The following LUZP2 variants were observed in gnomAD, a reference collection of about 807,000 sequenced individuals.
LUZP2 encodes leucine zipper protein 2.
LUZP2 carries 52 observed loss-of-function variants against 51.6 expected under a neutral mutation model. The observed-to-expected ratio is 1.01, with a 90% confidence interval of 0.81 to 1.27. The LOEUF (loss-of-function observed/expected upper bound fraction) is 1.27, where lower values mean the gene tolerates loss of function less well. Among genes scored for constraint, LUZP2 ranks in the 50% most tolerant of loss-of-function variants. The pLI, the probability that LUZP2 is intolerant of heterozygous loss-of-function variation, is 0.00. For missense variants in LUZP2, 436 were observed against 395.4 expected (o/e 1.10, Z -0.87); for synonymous variants, 154 against 137.3 (o/e 1.12, Z -0.85).
intron 4 of LUZP2, among the ~76,000 whole-genome samples, chr11:24,741,952 TATA>T (rs879354664): frequency 0.11 from 14,411 of 132,244 alleles, 1,138 homozygotes; most frequent in Non-Finnish European, 0.16. Context: ...TATACATTTA[TATA>T]TTATATATAA....
At chr11:25,050,291 CTTTTTTTTTTTTTTT>C (rs71044331) in intron 10 of LUZP2, among the ~76,000 whole-genome samples, 161 bp downstream of exon 10, 3,214 of 77,250 alleles carry the variant, frequency 0.042, 114 homozygotes, top group South Asian at 0.17. Flanking sequence ...TCTTTATGTT[CTTTTTTTTTTTTTTT>C]TTTTTTTTTT....
intron 1 of LUZP2, among the ~76,000 whole-genome samples, chr11:24,534,484 AATATATAGAAAGC>A (rs1322371294): frequency 6.8e-5 from 10 of 147,554 alleles, no homozygotes; most frequent in East Asian, 2.0e-4. Flanking sequence ...TAGGTATGTA[AATATATAGAAAGC>A]ATATATAGAA....
intron 5 of LUZP2, chr11:24,892,154 A>C: frequency 1.0e-6 from 1 of 985,590 alleles, no homozygotes; most frequent in Non-Finnish European, 1.2e-6. Context: ...GTTATTTCTT[A>C]AGAATCTCTG....
intron 1 of LUZP2, among the ~76,000 whole-genome samples, chr11:24,601,172 A>G (rs1473955133): frequency 6.6e-6 from 1 of 152,094 alleles, no homozygotes; most frequent in Non-Finnish European, 1.5e-5. Context: ...TACAAATATC[A>G]AAGACATGGA....
chr11:24,823,827 G>A (rs1056311023), intron 5 of LUZP2, among the ~76,000 whole-genome samples: 21 of 152,152 alleles, frequency 1.4e-4, no homozygotes, highest in African/African-American at 5.1e-4. Flanking sequence ...ACTTTGGGAG[G>A]CTGAGACGGG....
At chr11:24,647,082 TA>T (rs1175696598) in intron 1 of LUZP2, among the ~76,000 whole-genome samples, 3 of 151,950 alleles carry the variant, frequency 2.0e-5, no homozygotes, top group African/African-American at 7.2e-5. Context: ...TGCAGTATCT[TA>T]TTTTGTTCCA....
At chr11:24,604,575 T>C (rs779897462) in intron 1 of LUZP2, among the ~76,000 whole-genome samples, 33 of 152,010 alleles carry the variant, frequency 2.2e-4, no homozygotes, top group South Asian at 1.0e-3. Flanking sequence ...AACGGTGGCA[T>C]AGACTAAAAG....
intron 5 of LUZP2, among the ~76,000 whole-genome samples, chr11:24,787,317 G>A (rs76391892): frequency 4.0e-5 from 6 of 151,890 alleles, no homozygotes; most frequent in African/African-American, 1.5e-4. Flanking sequence ...AAAAATTTGG[G>A]GCAGCATATT....
chr11:24,688,966 G>A (rs143936994), intron 1 of LUZP2, among the ~76,000 whole-genome samples: 12 of 152,206 alleles, frequency 7.9e-5, no homozygotes, highest in East Asian at 3.9e-4. Context: ...CATACTACCC[G>A]TGGTGAATCT....
intron 9 of LUZP2, among the ~76,000 whole-genome samples, chr11:25,034,877 T>C (rs1857803412): frequency 6.6e-6 from 1 of 152,128 alleles, no homozygotes; most frequent in African/African-American, 2.4e-5. Flanking sequence ...TTGTTCTTTT[T>C]GGTTAGGATT....
chr11:24,648,757 A>G lies in LUZP2; in HGVS notation c.63-80412A>G, dbSNP rs139671751. ...AGGGGTATATGCATACATTTAAATG[A>G]CTATGTTACTAAATCCTTGTACTCT... On this transcript the variant is annotated intron_variant, in intron 1 of 11. Coordinates refer to ENST00000336930, the MANE Select transcript of LUZP2 (RefSeq NM_001009909.4). Among the ~76,000 whole-genome samples the G allele has an allele frequency of 5.8e-3, 880 of 152,096 alleles. 13 individuals are homozygous for G. Among genetic ancestry groups the G allele is most frequent in the African/African-American group, 0.02 (846 of 41,542 alleles).
At chr11:24,504,949 C>T (rs562557708) in intron 1 of LUZP2, among the ~76,000 whole-genome samples, 7 of 152,114 alleles carry the variant, frequency 4.6e-5, no homozygotes, top group South Asian at 2.1e-4. Context: ...TAATTCTCAC[C>T]GATAATTTAA....
chr11:24,598,315 G>A (rs1853513752), intron 1 of LUZP2, among the ~76,000 whole-genome samples: 1 of 151,884 alleles, frequency 6.6e-6, no homozygotes, highest in African/African-American at 2.4e-5. Flanking sequence ...AATGTTTTTT[G>A]TACAAGCTTC....
chr11:24,799,349 G>C (rs1849630536), intron 5 of LUZP2, among the ~76,000 whole-genome samples: 2 of 152,106 alleles, frequency 1.3e-5, no homozygotes, highest in South Asian at 4.1e-4. Context: ...AGTAATTCTA[G>C]CACTTTGAGA....
At chr11:24,678,046 A>G (rs1373777222) in intron 1 of LUZP2, among the ~76,000 whole-genome samples, 1 of 128,268 alleles carries the variant, frequency 7.8e-6, no homozygotes, top group Non-Finnish European at 1.6e-5. Context: ...AAAAAAAGAA[A>G]GAAAGAAAGA....
chr11:24,976,496 C>G, intron 7 of LUZP2, 95 bp from the exon 8 acceptor site: 1 of 623,830 alleles, frequency 1.6e-6, no homozygotes, highest in Non-Finnish European at 2.5e-6. Flanking sequence ...TTTCTTTTCT[C>G]TCTTTTTACA....
intron 10 of LUZP2, among the ~76,000 whole-genome samples, chr11:25,055,720 A>G (rs989084254): frequency 2.0e-5 from 3 of 152,172 alleles, no homozygotes; most frequent in African/African-American, 7.2e-5. Context: ...ACAATGACGA[A>G]TGGAAAGTGT....
At chr11:24,998,336 G>A (rs369352074) in intron 9 of LUZP2, among the ~76,000 whole-genome samples, 6 of 152,150 alleles carry the variant, frequency 3.9e-5, no homozygotes, top group South Asian at 2.1e-4. Context: ...GGTCCTTCAC[G>A]TCCCTTGTAA....
Position 24,850,133 on chromosome 11 carries a change from T to A in LUZP2, c.397-55858T>A, listed in dbSNP as rs181547203. Among the ~76,000 whole-genome samples, 565 of 150,138 alleles carry A rather than the reference T, an allele frequency of 3.8e-3. 2 individuals are homozygous for A. The highest frequency in any genetic ancestry group is 0.013 in the African/African-American group (516 of 40,528). On this transcript the variant is annotated intron_variant, in intron 5 of 11. Coordinates refer to ENST00000336930, the MANE Select transcript of LUZP2 (RefSeq NM_001009909.4). ...GCAGAAGCTCTTTAGTTTAATTAGATCCCATTTGTCAATTTTGGCTTTTGC... is the reference window on the plus strand; with the variant it reads ...GCAGAAGCTCTTTAGTTTAATTAGAACCCATTTGTCAATTTTGGCTTTTGC...
Sources: gnomAD v4.1 joint callset for allele counts (sites outside exome capture counted in the v4.1 genomes callset) on GRCh38, gnomAD v4.1.1 for gene constraint, MANE v1.5 for transcripts, NCBI Gene and HGNC (gene_info 2026-07-23, HGNC 2026-07-21) for gene names.